SOX5: variants seen among roughly 807,000 people sequenced by gnomAD.
SOX5 encodes SRY-box transcription factor 5.
SOX5 carries 9 observed loss-of-function variants against 92.0 expected under a neutral mutation model. The ratio of observed to expected loss-of-function variants is 0.10; its 90% confidence interval spans 0.06 to 0.17. The LOEUF is 0.17. SOX5 is among the 10% of genes least tolerant of loss of function. The pLI, the probability that SOX5 is intolerant of heterozygous loss-of-function variation, is 1.00. For missense variants in SOX5, 642 were observed against 944.5 expected (o/e 0.68, Z 4.20); for synonymous variants, 344 against 336.3 (o/e 1.02, Z -0.25).
In SOX5 at chr12:23,837,275, G is replaced by T. The variant is rs7484546; in HGVS notation, c.481+8708C>A. Among the ~76,000 whole-genome samples the T allele has an allele frequency of 5.6e-5, 4 of 71,304 alleles. No homozygotes were observed. In the East Asian group the frequency reaches 3.0e-3, roughly 54 times the overall value. The allele number at this position is 71,304 out of a possible 152,430, so 46.8% of individuals were successfully genotyped here. ...TTTATATTTATATAATATATAATAT[G>T]TATTTATATTTATATTTATATAATA... On this transcript the variant is annotated intron_variant, in intron 3 of 14. Transcript: ENST00000451604.
At chr12:23,725,234 A>G (rs2093050241) in intron 6 of SOX5, among the ~76,000 whole-genome samples, 1 of 152,210 alleles carries the variant, frequency 6.6e-6, no homozygotes, top group African/African-American at 2.4e-5. Context: ...GTCTGTTCTC[A>G]CACTGCTAAT....
At chr12:24,477,033 T>A in intron 1 of SOX5, among the ~76,000 whole-genome samples, 1 of 145,596 alleles carries the variant, frequency 6.9e-6, no homozygotes, top group South Asian at 2.2e-4. Flanking sequence ...CATTCCAATC[T>A]AAAGAAAACT....
chr12:23,699,187 T>C (rs1009878211), intron 6 of SOX5, among the ~76,000 whole-genome samples: 1 of 152,202 alleles, frequency 6.6e-6, no homozygotes, highest in Non-Finnish European at 1.5e-5. Flanking sequence ...TTACCTGCCT[T>C]GGCATCCCTG....
At chr12:23,988,807 A>T (rs1451937504) in intron 4 of SOX5, among the ~76,000 whole-genome samples, 1 of 152,150 alleles carries the variant, frequency 6.6e-6, no homozygotes, top group African/African-American at 2.4e-5. Context: ...AGGCTAGGGA[A>T]GACTTAAGGG....
intron 4 of SOX5, among the ~76,000 whole-genome samples, chr12:24,148,705 A>G (rs1340720822): frequency 2.1e-4 from 24 of 116,320 alleles, no homozygotes; most frequent in East Asian, 6.2e-4. Context: ...AAAAAAAAAA[A>G]AAAAAAAAAA....
chr12:24,330,858 C>T (rs1457661604), intron 2 of SOX5, among the ~76,000 whole-genome samples: 2 of 152,160 alleles, frequency 1.3e-5, no homozygotes, highest in Non-Finnish European at 2.9e-5. Context: ...GCAAACCAAA[C>T]ACTGAAGAAT....
intron 1 of SOX5, among the ~76,000 whole-genome samples, chr12:24,476,899 A>C (rs956453860): frequency 1.1e-4 from 16 of 150,686 alleles, no homozygotes; most frequent in Non-Finnish European, 1.6e-4. Flanking sequence ...ATCGTGGTTC[A>C]CACCTGTAAT....
At chr12:23,835,285 A>G (rs2096394694) in intron 3 of SOX5, among the ~76,000 whole-genome samples, 1 of 151,884 alleles carries the variant, frequency 6.6e-6, no homozygotes. Flanking sequence ...ATCTGAATGT[A>G]TGATGTAACT....
At chr12:23,750,141 A>T (rs945128056) in intron 4 of SOX5, among the ~76,000 whole-genome samples, 3 of 151,934 alleles carry the variant, frequency 2.0e-5, no homozygotes, top group Non-Finnish European at 4.4e-5. Flanking sequence ...ACATAAAAAA[A>T]CACAGGCCTT....
intron 3 of SOX5, among the ~76,000 whole-genome samples, chr12:23,759,022 CACACACAG>C (rs1276570778): frequency 0.013 from 777 of 60,522 alleles, 8 homozygotes; most frequent in African/African-American, 0.035. Flanking sequence ...CACACACACA[CACACACAG>C]ACACACACAC....
intron 8 of SOX5, among the ~76,000 whole-genome samples, chr12:23,618,004 A>AC (rs1178123687): frequency 2.0e-5 from 3 of 151,826 alleles, no homozygotes; most frequent in African/African-American, 7.3e-5. Flanking sequence ...TATTCGATTG[A>AC]CCCTTTTTAT....
intron 4 of SOX5, among the ~76,000 whole-genome samples, chr12:24,038,687 G>A (rs954451097): frequency 1.3e-5 from 2 of 152,066 alleles, no homozygotes; most frequent in African/African-American, 4.8e-5. Context: ...GAAATTACAT[G>A]TTTTAGATTT....
intron 10 of SOX5, among the ~76,000 whole-genome samples, chr12:23,564,641 C>A (rs1946761609): frequency 6.6e-6 from 1 of 152,068 alleles, no homozygotes; most frequent in Non-Finnish European, 1.5e-5. Context: ...CTCTAATCTG[C>A]CAAAACACGC....
At chr12:23,869,511 G>C (rs533612337) in intron 2 of SOX5, among the ~76,000 whole-genome samples, 1 of 151,812 alleles carries the variant, frequency 6.6e-6, no homozygotes, top group Non-Finnish European at 1.5e-5. Context: ...CCAGCCTACC[G>C]CCCTACTTCT....
intron 1 of SOX5, among the ~76,000 whole-genome samples, chr12:23,925,100 G>A (rs756310648): frequency 1.1e-4 from 17 of 152,012 alleles, no homozygotes; most frequent in Admixed American, 2.0e-4. Context: ...CCATAGGTAT[G>A]AGATTTTATA....
chr12:24,507,702 T>C (rs1309712221), intron 1 of SOX5, among the ~76,000 whole-genome samples: 1 of 152,152 alleles, frequency 6.6e-6, no homozygotes, highest in Non-Finnish European at 1.5e-5. Flanking sequence ...TGTACGAAAA[T>C]GTCCATATTT....
chr12:23,712,391 T>C (rs1053666220), intron 6 of SOX5, among the ~76,000 whole-genome samples: 1 of 152,178 alleles, frequency 6.6e-6, no homozygotes, highest in Admixed American at 6.5e-5. Context: ...TGAACTGATA[T>C]GGATTAGGTA....
At chr12:24,055,112 TC>T (rs1279020467) in intron 4 of SOX5, among the ~76,000 whole-genome samples, 1 of 152,162 alleles carries the variant, frequency 6.6e-6, no homozygotes, top group Admixed American at 6.5e-5. Flanking sequence ...GTTCTGGACA[TC>T]TTAACATAAA....
At chr12:24,055,919 C>T (rs1387410999) in intron 4 of SOX5, among the ~76,000 whole-genome samples, 1 of 152,124 alleles carries the variant, frequency 6.6e-6, no homozygotes, top group Non-Finnish European at 1.5e-5. Context: ...CATTACTTAT[C>T]AATTAACAAA....
Sources: gnomAD v4.1 joint callset for allele counts (sites outside exome capture counted in the v4.1 genomes callset) on GRCh38, gnomAD v4.1.1 for gene constraint, MANE v1.5 for transcripts, NCBI Gene and HGNC (gene_info 2026-07-23, HGNC 2026-07-21) for gene names.